C1QTNF5: variants seen among roughly 807,000 people sequenced by gnomAD.
C1QTNF5 encodes complement C1q tumor necrosis factor-related protein 5.
A neutral mutation model predicts 10.9 loss-of-function variants in C1QTNF5; 5 were observed. The ratio of observed to expected loss-of-function variants is 0.46; its 90% CI spans 0.24 to 0.97. The LOEUF is 0.97. C1QTNF5 is among the 50% of genes least tolerant of loss of function. The pLI, the probability that C1QTNF5 is intolerant of heterozygous loss-of-function variation, is 0.19. For missense variants in C1QTNF5, 281 were observed against 339.4 expected, an observed-to-expected ratio of 0.83 and a Z score of 1.35; for synonymous variants, 161 against 156.5, an observed-to-expected ratio of 1.03 and a Z score of -0.22.
intron 2 of C1QTNF5, 48 bp downstream of exon 2, chr11:119,340,136 G>A (rs1298086690): frequency 6.7e-7 from 1 of 1,489,306 alleles, no homozygotes; most frequent in Non-Finnish European, 8.9e-7. Context: ...AGCTGCGGCC[G>A]CGCCTGCTCG....
upstream of C1QTNF5, among the ~76,000 whole-genome samples, chr11:119,344,124 G>A (rs1950532901): frequency 6.6e-6 from 1 of 152,020 alleles, no homozygotes; most frequent in Non-Finnish European, 1.5e-5. Context: ...TTTCAGAGGT[G>A]AGTTGACCCA....
upstream of C1QTNF5, chr11:119,345,849 G>A (rs780664843): frequency 1.9e-6 from 3 of 1,613,818 alleles, no homozygotes; most frequent in African/African-American, 1.3e-5. Flanking sequence ...TGGTGATGGT[G>A]GGGGTGGTGG....
chr11:119,339,182 C>G lies in C1QTNF5; in HGVS notation c.*149G>C. On this transcript the variant is annotated 3_prime_UTR_variant, in exon 3 of 3. Transcript: ENST00000528368. This position sits in a 1 kb window ranked among gnomAD's most constrained non-coding sequence, Gnocchi z 5.4. The stretch of plus-strand genomic sequence containing the variant: ...ATCGCAGACAGCCACTGTTCCCATT[C>G]CTTGCCAGCAGCAGGACGGAGAGTG... 1.1e-6 allele frequency: 1 copy of G among 877,206 alleles called. No homozygotes were observed. The highest frequency in any genetic ancestry group is 1.7e-6 in the Non-Finnish European group (1 of 584,032). 54.3% of individuals were successfully genotyped at this position (877,206 alleles called of 1,614,324 possible).
Position 119,339,765 on chromosome 11 carries a change from C to T in C1QTNF5, c.298G>A (p.Val100Met), listed in dbSNP as rs1273065065. The change falls in exon 3 of 3, where the codon GTG becomes ATG. Residue 100 changes from valine (V) to methionine (M), a missense_variant. Physicochemically the swap from Val to Met is conservative, Grantham distance 21 (BLOSUM62 1). Transcript: ENST00000528368. This position sits in a 1 kb window ranked among gnomAD's most constrained non-coding sequence, Gnocchi z 5.4. The part of the protein sequence containing the change: ...GPTGPAGECS[V>M]PPRSAFSAKR... ...GCGCTGAAGGCGGATCGCGGAGGCA[C>T]CGAGCACTCCCCGGCAGGCCCGGTG... is the stretch of plus-strand genomic sequence containing the variant. 6.3e-7 allele frequency: 1 copy of T among 1,578,642 alleles called. No individual in the cohort carries two copies. The highest frequency in any genetic ancestry group is 8.5e-7 in the Non-Finnish European group (1 of 1,169,896).
At chr11:119,343,378 G>T (rs192120917), upstream of C1QTNF5, among the ~76,000 whole-genome samples, 294 of 152,296 alleles carry the variant, frequency 1.9e-3, no homozygotes, top group Non-Finnish European at 3.2e-3. Flanking sequence ...TTATCTGGGC[G>T]TGGTGGCATG....
upstream of C1QTNF5, chr11:119,342,493 GC>G: frequency 1.4e-6 from 2 of 1,469,444 alleles, no homozygotes; most frequent in South Asian, 1.3e-5. Flanking sequence ...AGCTGGCCCC[GC>G]CCCCTCAGGG....
At chr11:119,345,895 T>C (rs752376228), upstream of C1QTNF5, 10 of 1,613,510 alleles carry the variant, frequency 6.2e-6, no homozygotes, top group South Asian at 5.5e-5. Context: ...CAGTGGGCTA[T>C]GGGACGCCCC....
chr11:119,340,518 CG>C, intron 1 of C1QTNF5, 78 bp from the exon 2 acceptor site: 1 of 1,081,158 alleles, frequency 9.2e-7, no homozygotes, highest in East Asian at 2.7e-5. Context: ...GCGGCCCAGT[CG>C]GTCCCCACCC....
upstream of C1QTNF5, chr11:119,341,305 C>T (rs977125222): frequency 1.6e-5 from 9 of 570,070 alleles, no homozygotes; most frequent in African/African-American, 5.6e-5. Context: ...GAAGTGGTCT[C>T]GATTGTCCGG....
chr11:119,346,453 T>C, the C1QTNF5 span: 3 of 1,613,952 alleles, frequency 1.9e-6, no homozygotes, highest in Admixed American at 3.3e-5. Context: ...TTCTATGTGG[T>C]CCTTACCTTG....
In C1QTNF5 at chr11:119,339,545, T is replaced by C; in HGVS notation, c.518A>G (p.Glu173Gly). The change falls in exon 3 of 3, where the codon GAA (glutamate) becomes GGA (glycine). Residue 173 changes from glutamate to glycine, a missense_variant. By Grantham distance (98) the Glu-to-Gly change is moderately conservative. Transcript: ENST00000528368. The surrounding 1 kb of genome is among the most constrained non-coding windows in gnomAD (Gnocchi z 5.4). ...SLQFDLVKNG[E>G]SIASFFQFFG... ...AAACTGGAAGAAAGAGGCAATGGAT[T>C]CGCCATTCTTCACCAGATCAAACTG... The C allele has an allele frequency of 2.5e-6, 4 of 1,613,070 alleles. No homozygotes were observed. The highest frequency in any genetic ancestry group is 3.4e-6 in the Non-Finnish European group (4 of 1,179,988).
upstream of C1QTNF5, among the ~76,000 whole-genome samples, chr11:119,343,380 G>A (rs1167018456): frequency 6.6e-6 from 1 of 152,208 alleles, no homozygotes; most frequent in Non-Finnish European, 1.5e-5. Context: ...ATCTGGGCGT[G>A]GTGGCATGTG....
Position 119,339,784 on chromosome 11 carries a change from C to T in C1QTNF5, c.279G>A (p.Gly93=), listed in dbSNP as rs1365849836. Residue 93 remains glycine, a synonymous_variant, in exon 3 of 3, where the codon GGG becomes GGA. Coordinates refer to ENST00000528368, the MANE Select transcript of C1QTNF5 (RefSeq NM_001278431.2). The surrounding 1 kb of genome is among the most constrained non-coding windows in gnomAD (Gnocchi z 5.4). ...GAGGCACCGAGCACTCCCCGGCAGG[C>T]CCGGTGGGCCCCGCGGGTCCCGCCT... ...RGEAGPAGPT[G]PAGECSVPPR... The T allele has an allele frequency of 6.6e-7, 1 of 1,514,356 alleles. No individual in the cohort carries two copies. 93.8% of individuals were successfully genotyped at this position (1,514,356 alleles called of 1,614,324 possible). A position where few individuals can be genotyped will look rare whatever the true frequency, so the allele number is the denominator to read the frequency against.
chr11:119,339,554 T>G lies in C1QTNF5; in HGVS notation c.509A>C (p.Lys170Thr). The change falls in exon 3 of 3, where the codon AAG becomes ACG. Residue 170 changes from lysine (K) to threonine (T), a missense_variant. Transcript: ENST00000528368. The surrounding 1 kb of genome is among the most constrained non-coding windows in gnomAD (Gnocchi z 5.4). ...YRASLQFDLVKNGESIASFFQ... is the reference protein window; with the variant it reads ...YRASLQFDLVTNGESIASFFQ... ...GAAAGAGGCAATGGATTCGCCATTC[T>G]TCACCAGATCAAACTGCAGGCTGGC... 1 of 1,613,484 alleles carries G rather than the reference T, an allele frequency of 6.2e-7. No individual in the cohort carries two copies. Among genetic ancestry groups the G allele is most frequent in the Non-Finnish European group, 8.5e-7 (1 of 1,180,034 alleles).
At chr11:119,340,905 C>T (rs548497696), upstream of C1QTNF5, 31 of 167,650 alleles carry the variant, frequency 1.8e-4, 1 homozygote, top group South Asian at 2.3e-3. Flanking sequence ...GCTCCCGGAC[C>T]GGGAAATAGC....
At chr11:119,341,056 A>T, upstream of C1QTNF5, 1 of 188,570 alleles carries the variant, frequency 5.3e-6, no homozygotes, top group Non-Finnish European at 1.1e-5. Context: ...CCAGGGCCAG[A>T]GGAGAGGCAG....
At chr11:119,343,139 G>T, upstream of C1QTNF5, 1 of 1,114,580 alleles carries the variant, frequency 9.0e-7, no homozygotes, top group Non-Finnish European at 1.3e-6. Context: ...GTTAGGGTCT[G>T]GCGAGAAAGA....
upstream of C1QTNF5, chr11:119,343,954 C>T (rs1950530347): frequency 6.2e-7 from 1 of 1,612,970 alleles, no homozygotes; most frequent in Non-Finnish European, 8.5e-7. Context: ...CGAGATATGC[C>T]AGGTGCAGAG....
At chr11:119,345,185 T>C (rs535023656), upstream of C1QTNF5, among the ~76,000 whole-genome samples, 61 of 152,298 alleles carry the variant, frequency 4.0e-4, no homozygotes, top group South Asian at 0.01. Context: ...TTTATCCTTG[T>C]AGCATCTACT....
Sources: gnomAD v4.1 joint callset for allele counts (sites outside exome capture counted in the v4.1 genomes callset) on GRCh38, gnomAD v4.1.1 for gene constraint, Gnocchi (gnomAD v3.1) non-coding constraint, MANE v1.5 for transcripts, NCBI Gene and HGNC (gene_info 2026-07-23, HGNC 2026-07-21) for gene names.